ATP8A2: variants seen among roughly 807,000 people sequenced by gnomAD.
ATP8A2 encodes the protein phospholipid-transporting ATPase IB.
ATP8A2 carries 100 observed loss-of-function variants against 165.6 expected under a neutral mutation model. The observed-to-expected ratio is 0.60, with a 90% CI of 0.51 to 0.71. The LOEUF (loss-of-function observed/expected upper bound fraction) is 0.71. ATP8A2 is among the 30% of genes least tolerant of loss of function. The pLI is 0.00. For synonymous variants in ATP8A2, 543 were observed against 548.8 expected, an observed-to-expected ratio of 0.99 and a Z score of 0.15; for missense variants, 1,227 against 1,479.5, an observed-to-expected ratio of 0.83 and a Z score of 2.80.
At chr13:25,571,722 T>A (rs771208669) in intron 18 of ATP8A2, 30 bp downstream of exon 18, 15 of 1,556,188 alleles carry the variant, frequency 9.6e-6, no homozygotes, top group Non-Finnish European at 8.9e-7. Flanking sequence ...ACATTTCAGA[T>A]CACCTGCTTT....
chr13:25,538,852 C>T (rs2038372368), intron 7 of ATP8A2, among the ~76,000 whole-genome samples: 1 of 151,976 alleles, frequency 6.6e-6, no homozygotes, highest in South Asian at 2.1e-4. Flanking sequence ...GATTTTAAGC[C>T]TAAGCATTAA....
rs139858533 is a variant in ATP8A2 at position 25,765,562 on chromosome 13, G to A, written c.2385-3484G>A. ...TGTGCTAGAATTATGTTTTCTCAAG[G>A]CATTACAGCTGAGGGCATAATAAAT... On this transcript the variant is annotated intron_variant, in intron 25 of 36. Transcript: ENST00000381655. Among the ~76,000 whole-genome samples the A allele has an allele frequency of 4.7e-4, 71 of 152,232 alleles. 1 individual carries two copies. The highest frequency in any genetic ancestry group is 1.6e-3 in the African/African-American group (66 of 41,546).
chr13:25,990,997 A>G (rs1315803925), intron 35 of ATP8A2, among the ~76,000 whole-genome samples: 3 of 152,074 alleles, frequency 2.0e-5, no homozygotes, highest in Non-Finnish European at 2.9e-5. Flanking sequence ...AAGTCGTGGA[A>G]TGAGGTGATG....
chr13:26,019,799 C>G lies in ATP8A2; in HGVS notation c.3470-89C>G. The G allele has an allele frequency of 7.9e-6, 7 of 889,138 alleles. No individual in the cohort carries two copies. In the South Asian group the frequency reaches 1.0e-4, roughly 13 times the overall value. 55.1% of individuals were successfully genotyped at this position (889,138 alleles called of 1,614,324 possible). A position where few individuals can be genotyped will look rare whatever the true frequency, so the allele number is the denominator to read the frequency against. On this transcript the variant is annotated intron_variant, in intron 36 of 36. Transcript: ENST00000381655. ...AGGCCAGATGTCGCACTCACCCGCA[C>G]GCTGCCAAAAAAAAGCAGCTTATTT...
intron 1 of ATP8A2, among the ~76,000 whole-genome samples, chr13:25,436,776 T>C (rs1040317827): frequency 1.4e-5 from 2 of 144,198 alleles, no homozygotes; most frequent in African/African-American, 5.2e-5. Flanking sequence ...TCTGTTGTTT[T>C]ATGACTTTTT....
chr13:25,442,990 G>A (rs960861969), intron 1 of ATP8A2, among the ~76,000 whole-genome samples: 2 of 152,058 alleles, frequency 1.3e-5, no homozygotes, highest in Non-Finnish European at 2.9e-5. Context: ...CTCTCATTCC[G>A]TGGTTGCCTT....
intron 2 of ATP8A2, among the ~76,000 whole-genome samples, chr13:25,499,892 T>G (rs1274887750): frequency 6.6e-6 from 1 of 151,900 alleles, no homozygotes; most frequent in Non-Finnish European, 1.5e-5. Context: ...AAGTGATGAT[T>G]GTGTTAAGGT....
chr13:25,814,050 C>T (rs905838865), intron 27 of ATP8A2, among the ~76,000 whole-genome samples: 8 of 151,640 alleles, frequency 5.3e-5, no homozygotes, highest in East Asian at 3.9e-4. Flanking sequence ...TTTCTAATTG[C>T]GTGAATCAAT....
chr13:25,821,383 C>T (rs1951176112), intron 27 of ATP8A2, among the ~76,000 whole-genome samples: 1 of 152,134 alleles, frequency 6.6e-6, no homozygotes, highest in Admixed American at 6.6e-5. Context: ...CTTGATTATA[C>T]CGAATTCACT....
intron 33 of ATP8A2, among the ~76,000 whole-genome samples, chr13:25,908,894 T>C (rs573434852): frequency 1.3e-5 from 2 of 152,308 alleles, no homozygotes; most frequent in African/African-American, 4.8e-5. Flanking sequence ...TGCTTAACTT[T>C]TACAAAACAA....
At chr13:25,411,109 G>T (rs2033952254) in intron 1 of ATP8A2, among the ~76,000 whole-genome samples, 1 of 151,946 alleles carries the variant, frequency 6.6e-6, no homozygotes, top group Admixed American at 6.6e-5. Context: ...AAAAGATGAT[G>T]GTTTATTTAT....
intron 25 of ATP8A2, among the ~76,000 whole-genome samples, chr13:25,726,263 G>A (rs2043491490): frequency 6.6e-6 from 1 of 152,206 alleles, no homozygotes; most frequent in Admixed American, 6.5e-5. Context: ...ACATGTAAAT[G>A]TAACTCAATG....
chr13:25,783,852 A>T (rs141964795), intron 27 of ATP8A2, among the ~76,000 whole-genome samples: 6 of 152,184 alleles, frequency 3.9e-5, no homozygotes, highest in African/African-American at 1.4e-4. Context: ...CAGTCGGAAG[A>T]TGGCTGGAGA....
chr13:25,817,541 T>G (rs1951059636), intron 27 of ATP8A2, among the ~76,000 whole-genome samples: 2 of 152,184 alleles, frequency 1.3e-5, no homozygotes, highest in Admixed American at 6.5e-5. Context: ...TTGCGTTAGT[T>G]GGGATTTTAA....
intron 33 of ATP8A2, among the ~76,000 whole-genome samples, chr13:25,918,549 C>T (rs1262416076): frequency 6.6e-6 from 1 of 152,128 alleles, no homozygotes; most frequent in African/African-American, 2.4e-5. Flanking sequence ...TCCAAAGGGG[C>T]TCTTAATTTG....
At chr13:25,400,336 A>T (rs1008572151) in intron 1 of ATP8A2, among the ~76,000 whole-genome samples, 6 of 152,202 alleles carry the variant, frequency 3.9e-5, no homozygotes, top group Non-Finnish European at 1.5e-5. Context: ...TTAAAAGAAC[A>T]TTTACTGAAA....
chr13:25,630,195 A>ATGGTTTGGTTT (rs2041206845), intron 24 of ATP8A2, among the ~76,000 whole-genome samples: 3 of 152,286 alleles, frequency 2.0e-5, no homozygotes, highest in Non-Finnish European at 2.9e-5. Context: ...ATAAACCCAA[A>ATGGTTTGGTTT]GCTAGGTGGT....
chr13:25,984,104 G>T (rs532886582), intron 35 of ATP8A2, among the ~76,000 whole-genome samples: 1 of 152,202 alleles, frequency 6.6e-6, no homozygotes, highest in Non-Finnish European at 1.5e-5. Context: ...AGGTGTGGTG[G>T]TGCGTGCATG....
chr13:25,912,407 T>C (rs1443747228), intron 33 of ATP8A2, among the ~76,000 whole-genome samples: 1 of 151,994 alleles, frequency 6.6e-6, no homozygotes, highest in African/African-American at 2.4e-5. Flanking sequence ...GATGGAGAGA[T>C]GATGGTCAGA....
Sources: allele counts gnomAD v4.1 joint callset (sites outside exome capture counted in the v4.1 genomes callset), GRCh38; gene constraint gnomAD v4.1.1; transcripts MANE v1.5; gene names NCBI Gene and HGNC (gene_info 2026-07-23, HGNC 2026-07-21).